GALM: variants seen among roughly 807,000 people sequenced by gnomAD.
GALM encodes aldose 1-epimerase.
Under a neutral mutation model 37.4 loss-of-function variants are expected in GALM, and 43 were observed. That is an observed-to-expected ratio of 1.15 (90% CI 0.90 to 1.48). GALM has a LOEUF of 1.48. Among genes scored for constraint, GALM ranks in the 40% most tolerant of loss-of-function variants. The pLI, the probability that GALM is intolerant of heterozygous loss-of-function variation, is 0.00. For synonymous variants in GALM, 199 were observed against 170.6 expected (o/e 1.17, Z -1.30); for missense variants, 456 against 419.1 (o/e 1.09, Z -0.77).
intron 4 of GALM, among the ~76,000 whole-genome samples, chr2:38,709,161 C>T (rs1211077100): frequency 2.6e-5 from 4 of 151,616 alleles, no homozygotes; most frequent in African/African-American, 9.8e-5. Flanking sequence ...AGGGAAGACG[C>T]GTGGCAAGGG....
chr2:38,731,913 A>G lies in GALM; in HGVS notation c.951+4A>G, dbSNP rs1666617380. 2 of 1,613,560 alleles carry G rather than the reference A, an allele frequency of 1.2e-6. No homozygotes were observed. Among genetic ancestry groups the G allele is most frequent in the Middle Eastern group, 3.3e-4 (2 of 5,986 alleles). On this transcript the variant is annotated splice_donor_region_variant and intron_variant, in intron 6 of 6. Coordinates refer to ENST00000272252, the MANE Select transcript of GALM (RefSeq NM_138801.3). ...CTGGCCTGATGCAGTCAATCAGGTA[A>G]TGCCACAGGCTGGCTTTTCAGAGTA...
chr2:38,729,257 G>A (rs7581653), intron 4 of GALM, among the ~76,000 whole-genome samples: 17 of 151,706 alleles, frequency 1.1e-4, no homozygotes, highest in African/African-American at 4.1e-4. Flanking sequence ...GTGCAATCAT[G>A]GTTCACTGTA....
chr2:38,686,231 T>TCCTTCCTTCCTTCCTTCCTTCCTTC (rs201438260), intron 3 of GALM, among the ~76,000 whole-genome samples: 6 of 32,912 alleles, frequency 1.8e-4, no homozygotes, highest in East Asian at 1.1e-3. Context: ...TTTCTTTCTT[T>TCCTTCCTTCCTTCCTTCCTTCCTTC]CTTTCTTTCT....
At position 38,729,965 on chromosome 2, in the gene GALM, G is replaced by T. The variant is rs375537812; in HGVS notation, c.776+268G>T. Among the ~76,000 whole-genome samples, 11 of 152,174 alleles carry T rather than the reference G, an allele frequency of 7.2e-5. No individual in the cohort carries two copies. In the East Asian group the frequency reaches 1.5e-3, roughly 21 times the overall value. On this transcript the variant is annotated intron_variant, in intron 5 of 6. Coordinates refer to ENST00000272252, the MANE Select transcript of GALM (RefSeq NM_138801.3). Reference sequence around the variant, plus strand: ...GTTCTTTAAGGCCCATTTTCTGTTAGAAGCCTTAACTCTTCCTAGTGAAGT... The same window carrying T: ...GTTCTTTAAGGCCCATTTTCTGTTATAAGCCTTAACTCTTCCTAGTGAAGT...
chr2:38,729,947 A>G (rs924079702), intron 5 of GALM, among the ~76,000 whole-genome samples: 1 of 151,884 alleles, frequency 6.6e-6, no homozygotes, highest in African/African-American at 2.4e-5. Context: ...CCTGTTCTTT[A>G]AGGCCCATTT....
chr2:38,707,155 T>C (rs756798534), intron 4 of GALM, among the ~76,000 whole-genome samples: 1 of 151,884 alleles, frequency 6.6e-6, no homozygotes, highest in Non-Finnish European at 1.5e-5. Flanking sequence ...CTTGAAATAT[T>C]TGAGGTTAGG....
chr2:38,712,289 G>C (rs1388622188), intron 4 of GALM, among the ~76,000 whole-genome samples: 1 of 152,204 alleles, frequency 6.6e-6, no homozygotes, highest in Non-Finnish European at 1.5e-5. Flanking sequence ...ATTCCCTACA[G>C]ATTGTGCTCA....
chr2:38,682,131 G>A (rs958421365), intron 3 of GALM: 3 of 256,690 alleles, frequency 1.2e-5, no homozygotes, highest in East Asian at 8.3e-5. Context: ...CCCAGCAGAG[G>A]GATAAACCCC....
chr2:38,729,815 T>G, intron 5 of GALM, 118 bp downstream of exon 5: 1 of 768,508 alleles, frequency 1.3e-6, no homozygotes, highest in Non-Finnish European at 2.1e-6. Context: ...AGTGACCCAA[T>G]ACCACATCCC....
intron 4 of GALM, among the ~76,000 whole-genome samples, chr2:38,705,011 T>C (rs1666009631): frequency 6.6e-6 from 1 of 152,188 alleles, no homozygotes; most frequent in Non-Finnish European, 1.5e-5. Flanking sequence ...ACCAGCATGG[T>C]AGAAATCTGG....
chr2:38,670,998 C>T (rs1253779613), intron 1 of GALM, among the ~76,000 whole-genome samples: 4 of 151,976 alleles, frequency 2.6e-5, no homozygotes, highest in Non-Finnish European at 5.9e-5. Context: ...ACAGTGTGGT[C>T]CTTGGGTTGT....
rs1428825014 is a variant in GALM, at chr2:38,734,341, A to G, written c.*776A>G. On this transcript the variant is annotated 3_prime_UTR_variant, in exon 7 of 7. Transcript: ENST00000272252. ...GGGAGGTGGAGGTTGCAGTGAGCCG[A>G]GATCATGCCACTGCACTGGGCAACA... 1 of 141,964 alleles carries G rather than the reference A, an allele frequency of 7.0e-6. No individual in the cohort carries two copies. Among genetic ancestry groups the G allele is most frequent in the Non-Finnish European group, 1.5e-5 (1 of 66,982 alleles). 8.8% of individuals were successfully genotyped at this position (141,964 alleles called of 1,614,324 possible). A position where few individuals can be genotyped will look rare whatever the true frequency, so the allele number is the denominator to read the frequency against.
chr2:38,716,416 A>G (rs1356087263), intron 4 of GALM, among the ~76,000 whole-genome samples: 1 of 152,194 alleles, frequency 6.6e-6, no homozygotes. Context: ...GAGATTCCAA[A>G]TGTGCATTTC....
chr2:38,675,977 G>A lies in GALM; in HGVS notation c.256G>A (p.Gly86Arg), dbSNP rs2148426866. ...GAGGGTGGCCAACCGAATCGCCAAA[G>A]GAACCTTCAAGGTGGATGGGAAGGA... ...IGRVANRIAK[G>R]TFKVDGKEYH... is the part of the protein sequence containing the mutation. The change falls in exon 2 of 7, where the codon GGA becomes AGA. Residue 86 changes from glycine to arginine, a missense_variant. By Grantham distance (125) the Gly-to-Arg change is moderately radical. Transcript: ENST00000272252. 1 of 1,614,106 alleles carries A rather than the reference G, an allele frequency of 6.2e-7. No individual in the cohort carries two copies. Among genetic ancestry groups the A allele is most frequent in the South Asian group, 1.1e-5 (1 of 91,082 alleles).
At chr2:38,710,186 GGCT>G (rs1191044499) in intron 4 of GALM, among the ~76,000 whole-genome samples, 3 of 152,204 alleles carry the variant, frequency 2.0e-5, no homozygotes, top group Non-Finnish European at 4.4e-5. Context: ...CAGACTCAGT[GGCT>G]GGAGTGGAGC....
intron 2 of GALM, among the ~76,000 whole-genome samples, chr2:38,678,972 AC>A (rs1241030658): frequency 6.6e-6 from 1 of 151,980 alleles, no homozygotes; most frequent in Non-Finnish European, 1.5e-5. Flanking sequence ...GTCACAAATA[AC>A]ATGTATAACT....
At chr2:38,683,362 A>G (rs1665443473) in intron 3 of GALM, among the ~76,000 whole-genome samples, 1 of 152,134 alleles carries the variant, frequency 6.6e-6, no homozygotes, top group African/African-American at 2.4e-5. Flanking sequence ...CCACAGATTG[A>G]ATATCCCTTA....
chr2:38,701,721 T>A (rs563784370), intron 4 of GALM, among the ~76,000 whole-genome samples: 39 of 152,324 alleles, frequency 2.6e-4, no homozygotes, highest in Admixed American at 5.9e-4. Context: ...ATTACCTCCC[T>A]GGGGCAGGTC....
At chr2:38,682,889 T>C (rs1665431016) in intron 3 of GALM, among the ~76,000 whole-genome samples, 1 of 143,472 alleles carries the variant, frequency 7.0e-6, no homozygotes. Flanking sequence ...AGAGTGAAAC[T>C]CCGTCTTTAA....
Sources: allele counts gnomAD v4.1 joint callset (sites outside exome capture counted in the v4.1 genomes callset), GRCh38; gene constraint gnomAD v4.1.1; transcripts MANE v1.5; gene names NCBI Gene and HGNC (gene_info 2026-07-23, HGNC 2026-07-21).